Variants in YTHDF2 observed in about 807,000 individuals in gnomAD.
YTHDF2 encodes YTH N6-methyladenosine RNA binding protein F2, also known as YTH domain-containing family protein 2.
A neutral mutation model predicts 50.4 loss-of-function variants in YTHDF2; 2 were observed. That is an observed-to-expected ratio of 0.04 (90% CI 0.02 to 0.12). The LOEUF is 0.12. Among genes scored for constraint, YTHDF2 ranks in the 10% least tolerant of loss-of-function variants. YTHDF2 has a pLI of 1.00. For missense variants in YTHDF2, 483 were observed against 722.6 expected (o/e 0.67, Z 3.80); for synonymous variants, 217 against 255.6 (o/e 0.85, Z 1.44).
At chr1:28,751,367 G>A (rs1314239167) in intron 4 of YTHDF2, among the ~76,000 whole-genome samples, 1 of 152,078 alleles carries the variant, frequency 6.6e-6, no homozygotes, top group Admixed American at 6.6e-5. Context: ...CTCCCATTTA[G>A]TATCTTACCA....
At chr1:28,747,053 G>A (rs994074731) in intron 4 of YTHDF2, among the ~76,000 whole-genome samples, 10 of 152,130 alleles carry the variant, frequency 6.6e-5, no homozygotes, top group African/African-American at 2.4e-4. Context: ...TTGCACTCCA[G>A]CCTAGGCAAC....
chr1:28,754,754 A>C (rs1050780392), intron 4 of YTHDF2, among the ~76,000 whole-genome samples: 1 of 152,072 alleles, frequency 6.6e-6, no homozygotes, highest in African/African-American at 2.4e-5. Context: ...CAGTGAGCCG[A>C]GATTGCTCCA....
chr1:28,737,685 A>C lies in YTHDF2; in HGVS notation c.52+3A>C. The C allele has an allele frequency of 6.2e-7, 1 of 1,613,542 alleles. No homozygotes were observed. The highest frequency in any genetic ancestry group is 8.5e-7 in the Non-Finnish European group (1 of 1,179,752). On this transcript the variant is annotated splice_donor_region_variant and intron_variant, in intron 2 of 4. Coordinates refer to ENST00000373812, the MANE Select transcript of YTHDF2 (RefSeq NM_016258.3). ...ACCAAAAGGTCAAGGAAACAAAGGT[A>C]AGTCCCGCTCCGCCGGTGGCCCTGA...
chr1:28,755,267 T>A (rs532207383), intron 4 of YTHDF2, among the ~76,000 whole-genome samples: 1 of 152,120 alleles, frequency 6.6e-6, no homozygotes, highest in Non-Finnish European at 1.5e-5. Flanking sequence ...GGAGCTCAGA[T>A]TGTTGACAGG....
At chr1:28,741,560 C>T (rs2087776367) in intron 3 of YTHDF2, among the ~76,000 whole-genome samples, 1 of 152,184 alleles carries the variant, frequency 6.6e-6, no homozygotes, top group South Asian at 2.1e-4. Flanking sequence ...TCCCAAAGTT[C>T]TGGGATTACA....
At position 28,768,923 on chromosome 1, in the gene YTHDF2, C is replaced by CT. The variant is rs748847890; in HGVS notation, c.1717-5dup. 6.9e-6 allele frequency: 11 copies of CT among 1,590,984 alleles called. No homozygotes were observed. The South Asian group carries it at 1.2e-4, about 17-fold the overall frequency. Reference sequence around the variant, plus strand: ...AACCATTTCAATTTTTTTCTTACCTCTGTAGGAACGTCAAGGTCGTGGGAA... The same window carrying CT: ...AACCATTTCAATTTTTTTCTTACCTCTTGTAGGAACGTCAAGGTCGTGGGAA... On this transcript the variant is annotated splice_polypyrimidine_tract_variant and splice_region_variant and intron_variant, in intron 4 of 4. Coordinates refer to ENST00000373812, the MANE Select transcript of YTHDF2 (RefSeq NM_016258.3).
chr1:28,742,567 C>T lies in YTHDF2; in HGVS notation c.297C>T (p.Phe99=). ...YGQLSNGEPH[F]LPDAMFGQPG... Reference sequence around the variant, plus strand: ...AGCTGAGCAACGGAGAGCCCCACTTCCTACCAGATGCAATGTTTGGGCAAC... The same window carrying T: ...AGCTGAGCAACGGAGAGCCCCACTTTCTACCAGATGCAATGTTTGGGCAAC... Residue 99 remains phenylalanine, a synonymous_variant, in exon 4 of 5, where the codon TTC becomes TTT. Transcript: ENST00000373812. The T allele has an allele frequency of 1.2e-6, 2 of 1,614,082 alleles. No individual in the cohort carries two copies. The highest frequency in any genetic ancestry group is 1.7e-6 in the Non-Finnish European group (2 of 1,179,994).
intron 4 of YTHDF2, among the ~76,000 whole-genome samples, chr1:28,761,786 C>T (rs1156984879): frequency 6.6e-6 from 1 of 152,138 alleles, no homozygotes; most frequent in Non-Finnish European, 1.5e-5. Context: ...TCTCAAACTG[C>T]TGGTCCCAGC....
intron 4 of YTHDF2, among the ~76,000 whole-genome samples, chr1:28,757,324 G>C (rs1232058792): frequency 2.6e-5 from 4 of 152,166 alleles, no homozygotes; most frequent in Non-Finnish European, 5.9e-5. Context: ...AATTTGAATT[G>C]GGTCTAAAAG....
At chr1:28,737,709 G>C in intron 2 of YTHDF2, 27 bp downstream of exon 2, 1 of 1,612,644 alleles carries the variant, frequency 6.2e-7, no homozygotes, top group South Asian at 1.1e-5. Flanking sequence ...CGGTGGCCCT[G>C]AGCCGGGAGG....
intron 4 of YTHDF2, among the ~76,000 whole-genome samples, chr1:28,750,182 G>A (rs1036826905): frequency 5.3e-5 from 8 of 151,516 alleles, no homozygotes; most frequent in African/African-American, 1.9e-4. Flanking sequence ...GTAGAGACAG[G>A]GTTTCACCAT....
intron 3 of YTHDF2, among the ~76,000 whole-genome samples, chr1:28,741,008 A>T (rs560639652): frequency 1.5e-3 from 215 of 140,708 alleles, no homozygotes; most frequent in African/African-American, 5.4e-3. Context: ...CCGGCTATTT[A>T]TTTTTTTTGA....
chr1:28,759,456 G>A (rs1229265903), intron 4 of YTHDF2, among the ~76,000 whole-genome samples: 1 of 152,172 alleles, frequency 6.6e-6, no homozygotes, highest in Admixed American at 6.6e-5. Flanking sequence ...TGCATTGTCA[G>A]GTGATTTTGT....
Position 28,737,012 on chromosome 1 carries a change from G to A in YTHDF2, c.-109G>A. 7.2e-7 allele frequency: 1 copy of A among 1,395,380 alleles called. No homozygotes were observed. The highest frequency in any genetic ancestry group is 9.8e-7 in the Non-Finnish European group (1 of 1,023,394). The allele number at this position is 1,395,380 out of a possible 1,614,324, so 86.4% of individuals were successfully genotyped here. ...CCGCTGCGTCCGCCGAGGCCCCCGA[G>A]TGTCAGGGACAAAAGCCTCCGCCTG... On this transcript the variant is annotated 5_prime_UTR_variant, in exon 1 of 5. In the 5' UTR this introduces an upstream ATG that the reference lacks. Coordinates refer to ENST00000373812, the MANE Select transcript of YTHDF2 (RefSeq NM_016258.3).
intron 4 of YTHDF2, among the ~76,000 whole-genome samples, chr1:28,747,863 C>T (rs1245920104): frequency 3.3e-5 from 5 of 151,216 alleles, no homozygotes; most frequent in South Asian, 2.1e-4. Flanking sequence ...CGGTGGCTCA[C>T]GCCTGTAAGC....
chr1:28,767,271 T>C (rs2088232872), intron 4 of YTHDF2, among the ~76,000 whole-genome samples: 1 of 152,140 alleles, frequency 6.6e-6, no homozygotes, highest in South Asian at 2.1e-4. Context: ...AATGAGACAG[T>C]GCTGTAGTAA....
intron 4 of YTHDF2, among the ~76,000 whole-genome samples, chr1:28,757,787 A>G (rs1336522357): frequency 6.6e-6 from 1 of 152,002 alleles, no homozygotes; most frequent in African/African-American, 2.4e-5. Context: ...TCATCTTGGC[A>G]TTTTTTCTTT....
intron 4 of YTHDF2, among the ~76,000 whole-genome samples, chr1:28,749,900 C>T (rs2124181814): frequency 6.7e-6 from 1 of 149,482 alleles, no homozygotes; most frequent in East Asian, 2.0e-4. Flanking sequence ...AAAAAAAAGT[C>T]ATTGGTATTA....
chr1:28,739,482 A>G (rs960924201), intron 3 of YTHDF2, among the ~76,000 whole-genome samples: 2 of 150,776 alleles, frequency 1.3e-5, no homozygotes, highest in African/African-American at 2.4e-5. Flanking sequence ...ATTTTTTTGT[A>G]GAGATGGGGG....
Sources: gnomAD v4.1 joint callset for allele counts (sites outside exome capture counted in the v4.1 genomes callset) on GRCh38, gnomAD v4.1.1 for gene constraint, MANE v1.5 for transcripts, NCBI Gene and HGNC (gene_info 2026-07-23, HGNC 2026-07-21) for gene names.